Variants in CDK5RAP3 observed in about 807,000 individuals in gnomAD.
The protein encoded by CDK5RAP3 is CDK5 regulatory subunit-associated protein 3.
CDK5RAP3 carries 58 observed loss-of-function variants against 73.3 expected under a neutral mutation model. The observed-to-expected ratio is 0.79, with a 90% CI of 0.64 to 0.98. CDK5RAP3 has a LOEUF of 0.98. Among genes scored for constraint, CDK5RAP3 ranks in the 50% least tolerant of loss-of-function variants. CDK5RAP3 has a pLI of 0.00. For missense variants in CDK5RAP3, 525 were observed against 615.8 expected, an observed-to-expected ratio of 0.85 and a Z score of 1.56; for synonymous variants, 224 against 247.5, an observed-to-expected ratio of 0.91 and a Z score of 0.89.
chr17:47,977,853 G>C lies in CDK5RAP3; in HGVS notation c.931G>C (p.Asp311His). ...DSKDPGGDGI[D>H]WGDDAVALQI... ...CCAGGATCCTGGAGGTGATGGGATA[G>C]ACTGGGGAGACGATGCTGTTGCTTT... Residue 311 changes from aspartate to histidine, a missense_variant, in exon 10 of 14, where the codon GAC becomes CAC. This residue lies in a region of CDK5RAP3 where 409 missense variants were observed against 429.8 expected (regional missense o/e 0.95). Transcript: ENST00000338399. 1 of 1,614,074 alleles carries C rather than the reference G, an allele frequency of 6.2e-7. No individual in the cohort carries two copies. Among genetic ancestry groups the C allele is most frequent in the African/African-American group, 1.3e-5 (1 of 75,026 alleles).
At chr17:47,970,395 G>A (rs1598214336), upstream of CDK5RAP3, 6 of 464,792 alleles carry the variant, frequency 1.3e-5, no homozygotes, top group East Asian at 7.9e-5. Context: ...CACAAATTAC[G>A]TTGCCCGTCC....
intron 9 of CDK5RAP3, 33 bp from the exon 10 acceptor site, chr17:47,977,799 C>T: frequency 6.3e-7 from 1 of 1,583,798 alleles, no homozygotes; most frequent in Non-Finnish European, 8.7e-7. Context: ...AAAATTCTCC[C>T]CCCATTGCTG....
At chr17:47,981,049 G>A (rs2036540872) in intron 12 of CDK5RAP3, 114 bp from the exon 13 acceptor site, 3 of 1,173,456 alleles carry the variant, frequency 2.6e-6, no homozygotes, top group Non-Finnish European at 3.7e-6. Flanking sequence ...AAGGATGTGA[G>A]GGTAAGCGGC....
intron 3 of CDK5RAP3, 125 bp downstream of exon 3, chr17:47,973,775 G>A (rs540625973): frequency 2.9e-5 from 38 of 1,316,274 alleles, no homozygotes; most frequent in Non-Finnish European, 3.7e-5. Context: ...TTTATTTGAG[G>A]TATAGATGCT....
intron 4 of CDK5RAP3, 24 bp from the exon 5 acceptor site, chr17:47,974,376 C>T: frequency 6.2e-7 from 1 of 1,603,910 alleles, no homozygotes; most frequent in Non-Finnish European, 8.5e-7. Flanking sequence ...TCTGGCTTAA[C>T]ATTGTTTTTC....
Position 47,976,751 on chromosome 17 carries a change from G to T in CDK5RAP3, c.838G>T (p.Gly280Trp), listed in dbSNP as rs761144613. ...CTTTGGGGTAGAGGCAGTGTCTGAG[G>T]GGACTGACTCTGGCATCTCTGCCGA... ...GDFGVEAVSE[G>W]TDSGISAEAA... The change falls in exon 9 of 14, where the codon GGG becomes TGG. Residue 280 changes from glycine (G) to tryptophan (W), a missense_variant. This residue lies in a region of CDK5RAP3 where 409 missense variants were observed against 429.8 expected (regional missense o/e 0.95). Transcript: ENST00000338399. 2 of 1,613,208 alleles carry T rather than the reference G, an allele frequency of 1.2e-6. No homozygotes were observed. The highest frequency in any genetic ancestry group is 2.2e-5 in the South Asian group (2 of 91,056).
intron 2 of CDK5RAP3, 136 bp from the exon 3 acceptor site, chr17:47,973,383 C>A: frequency 1.1e-6 from 1 of 944,262 alleles, no homozygotes; most frequent in Non-Finnish European, 1.5e-6. Flanking sequence ...TCTTTATTCC[C>A]ATCTTCCCAT....
intron 1 of CDK5RAP3, 99 bp downstream of exon 1, chr17:47,971,251 C>A: frequency 6.5e-7 from 1 of 1,537,438 alleles, no homozygotes; most frequent in Non-Finnish European, 8.8e-7. Flanking sequence ...GCCCATCGCT[C>A]TGGCCCCGTT....
At chr17:47,970,110 C>T (rs1397782006), upstream of CDK5RAP3, among the ~76,000 whole-genome samples, 2 of 152,196 alleles carry the variant, frequency 1.3e-5, no homozygotes, top group African/African-American at 4.8e-5. Flanking sequence ...AGTCTTATCT[C>T]CCATGCATCC....
intron 11 of CDK5RAP3, chr17:47,980,253 C>A: frequency 3.6e-6 from 1 of 277,106 alleles, no homozygotes; most frequent in South Asian, 3.7e-5. Context: ...CAGTTTGAAC[C>A]AATTTATCTT....
chr17:47,981,749 T>G lies in CDK5RAP3; in HGVS notation c.*247T>G. 2.7e-6 allele frequency: 4 copies of G among 1,498,100 alleles called. No homozygotes were observed. Among genetic ancestry groups the G allele is most frequent in the Non-Finnish European group, 3.6e-6 (4 of 1,123,180 alleles). 92.8% of individuals were successfully genotyped at this position (1,498,100 alleles called of 1,614,324 possible). On this transcript the variant is annotated 3_prime_UTR_variant, in exon 14 of 14. Coordinates refer to ENST00000338399, the MANE Select transcript of CDK5RAP3 (RefSeq NM_176096.3). ...TCTCCTTCTAGTTAGTATAGCGGAC[T>G]TAATAAAAGAGGAAAAAACTCTTGC...
In CDK5RAP3 at chr17:47,980,695, A is replaced by C. The variant is rs1167711461; in HGVS notation, c.1180A>C (p.Thr394Pro). 3 of 1,614,076 alleles carry C rather than the reference A, an allele frequency of 1.9e-6. No individual in the cohort carries two copies. The highest frequency in any genetic ancestry group is 2.5e-6 in the Non-Finnish European group (3 of 1,180,052). Reference protein sequence around the residue: ...QLAPAILQGQTKEKMVTMVSV... With the variant: ...QLAPAILQGQPKEKMVTMVSV... ...GGCTCCAGCCATCCTGCAGGGCCAG[A>C]CCAAAGAGAAGATGGTTACCATGGT... Residue 394 changes from threonine (T) to proline (P), a missense_variant, in exon 12 of 14, where the codon ACC (threonine) becomes CCC (proline). Thr to Pro is a conservative substitution (Grantham distance 38, BLOSUM62 -1). Transcript: ENST00000338399.
At chr17:47,980,569 A>C in intron 11 of CDK5RAP3, 24 bp from the exon 12 acceptor site, 1 of 1,609,500 alleles carries the variant, frequency 6.2e-7, no homozygotes, top group South Asian at 1.1e-5. Flanking sequence ...GTACAGCCTG[A>C]ACCAATCTTT....
In CDK5RAP3 at chr17:47,975,527, G is replaced by C. The variant is rs766484127; in HGVS notation, c.527G>C (p.Arg176Pro). The change falls in exon 7 of 14, where the codon CGA becomes CCA. Residue 176 changes from arginine to proline, a missense_variant. Around this residue, in one of 2 missense-constraint regions of CDK5RAP3, gnomAD observed 409 missense variants for 429.8 expected, o/e 0.95. Coordinates refer to ENST00000338399, the MANE Select transcript of CDK5RAP3 (RefSeq NM_176096.3). Reference sequence around the variant, plus strand: ...TCCCCTCTCTAGGGCGAAAATGTCCGAGGAGAACTGCTGGCCCTGGTGAAG... The same window carrying C: ...TCCCCTCTCTAGGGCGAAAATGTCCCAGGAGAACTGCTGGCCCTGGTGAAG... ...KQYGITGENV[R>P]GELLALVKDL... 3.7e-6 allele frequency: 6 copies of C among 1,611,010 alleles called. No homozygotes were observed. In the South Asian group the frequency reaches 6.6e-5, roughly 18 times the overall value.
rs1393196486 is a variant in CDK5RAP3, at chr17:47,978,902, T to C, written c.1062T>C (p.Leu354=). ...ACACTGAGACCCGGAATCAGTTCCT[T>C]GATGAGCTCATGGAGGTACTGTCAT... ...LEYTETRNQF[L]DELMELEIFL... The change falls in exon 11 of 14, where the codon CTT becomes CTC. Residue 354 remains leucine, a synonymous_variant. Transcript: ENST00000338399. The C allele has an allele frequency of 6.2e-7, 1 of 1,612,654 alleles. No individual in the cohort carries two copies. The highest frequency in any genetic ancestry group is 1.7e-5 in the Admixed American group (1 of 60,000).
Position 47,975,647 on chromosome 17 carries a change from G to A in CDK5RAP3, c.647G>A (p.Cys216Tyr), listed in dbSNP as rs777898276. 3 of 1,599,386 alleles carry A rather than the reference G, an allele frequency of 1.9e-6. No homozygotes were observed. Among genetic ancestry groups the A allele is most frequent in the Non-Finnish European group, 2.5e-6 (3 of 1,176,682 alleles). ...TACCAGGCGTCTGTGGGGTTTGTGT[G>A]TGAGAGGTAGAGAGGCCTCAGCTTC... The part of the protein sequence containing the change: ...DVYQASVGFV[C>Y]ESPTEQVLPM... The change falls in exon 7 of 14, where the codon TGT (cysteine) becomes TAT (tyrosine). Residue 216 changes from cysteine to tyrosine, a missense_variant. Around this residue, in one of 2 missense-constraint regions of CDK5RAP3, gnomAD observed 409 missense variants for 429.8 expected, o/e 0.95. Transcript: ENST00000338399.
upstream of CDK5RAP3, among the ~76,000 whole-genome samples, chr17:47,969,152 G>A (rs8079038): frequency 1.3e-5 from 2 of 152,214 alleles, no homozygotes; most frequent in Admixed American, 6.5e-5. Flanking sequence ...TCACTGGGCA[G>A]AATCTAGGTC....
chr17:47,977,886 A>G lies in CDK5RAP3; in HGVS notation c.964A>G (p.Thr322Ala). The G allele has an allele frequency of 6.2e-7, 1 of 1,614,048 alleles. No individual in the cohort carries two copies. The highest frequency in any genetic ancestry group is 8.5e-7 in the Non-Finnish European group (1 of 1,179,988). The change falls in exon 10 of 14, where the codon ACA becomes GCA. Residue 322 changes from threonine (T) to alanine (A), a missense_variant. Thr to Ala is a moderately conservative substitution (Grantham distance 58, BLOSUM62 0). This residue lies in a region of CDK5RAP3 where 409 missense variants were observed against 429.8 expected (regional missense o/e 0.95). Transcript: ENST00000338399. ...AGACGATGCTGTTGCTTTGCAGATC[A>G]CAGTGCTGGAAGCAGGAACCCAGGG... ...WGDDAVALQI[T>A]VLEAGTQAPE...
chr17:47,970,152 TC>T (rs1159951933), upstream of CDK5RAP3, among the ~76,000 whole-genome samples: 3 of 152,126 alleles, frequency 2.0e-5, no homozygotes, highest in Admixed American at 2.0e-4. Context: ...TACAGGTTCC[TC>T]CCTGCCTCAA....
Sources: gnomAD v4.1 joint callset for allele counts (sites outside exome capture counted in the v4.1 genomes callset) on GRCh38, gnomAD v4.1.1 for gene constraint, gnomAD v4.1.1 regional missense constraint, MANE v1.5 for transcripts, NCBI Gene and HGNC (gene_info 2026-07-23, HGNC 2026-07-21) for gene names.